The following SNX7 variants were observed in gnomAD, a reference collection of about 807,000 sequenced individuals.
SNX7 encodes sorting nexin 7, also known as sorting nexin-7.
A neutral mutation model predicts 48.4 loss-of-function variants in SNX7; 35 were observed. The ratio of observed to expected loss-of-function variants is 0.72; its 90% CI spans 0.55 to 0.96. The LOEUF is 0.96. Among genes scored for constraint, SNX7 ranks in the 40% least tolerant of loss-of-function variants. SNX7 has a pLI of 0.00. For missense variants in SNX7, 553 were observed against 548.9 expected (o/e 1.01, Z -0.07); for synonymous variants, 190 against 190.2 (o/e 1.00, Z 0.01).
At chr1:98,691,954 C>CTCTT in intron 4 of SNX7, among the ~76,000 whole-genome samples, 1 of 151,612 alleles carries the variant, frequency 6.6e-6, no homozygotes, top group South Asian at 2.1e-4. Flanking sequence ...CTCTCTCTCT[C>CTCTT]TCTCTCTCTC....
intron 7 of SNX7, among the ~76,000 whole-genome samples, chr1:98,711,260 C>G (rs541286137): frequency 6.6e-6 from 1 of 152,048 alleles, no homozygotes; most frequent in East Asian, 1.9e-4. Context: ...TCAAGTGATC[C>G]GCCTGCCTTG....
At chr1:98,733,447 G>C (rs557025509) in intron 7 of SNX7, among the ~76,000 whole-genome samples, 63 of 152,136 alleles carry the variant, frequency 4.1e-4, no homozygotes, top group Middle Eastern at 3.4e-3. Context: ...GTGAAAAGAC[G>C]AACAACCTGC....
intron 5 of SNX7, among the ~76,000 whole-genome samples, chr1:98,696,408 C>T (rs1651461914): frequency 6.6e-6 from 1 of 151,820 alleles, no homozygotes; most frequent in Admixed American, 6.6e-5. Context: ...ACTGTACTGC[C>T]AGTCAGGATA....
At chr1:98,701,281 T>G (rs1651733867) in intron 6 of SNX7, among the ~76,000 whole-genome samples, 1 of 152,152 alleles carries the variant, frequency 6.6e-6, no homozygotes, top group African/African-American at 2.4e-5. Context: ...GATGAATATT[T>G]TATATTTTGA....
At chr1:98,754,957 G>C (rs900779261) in intron 8 of SNX7, among the ~76,000 whole-genome samples, 1 of 151,338 alleles carries the variant, frequency 6.6e-6, no homozygotes, top group Non-Finnish European at 1.5e-5. Flanking sequence ...AAATCTCTCT[G>C]TTCTACTTTA....
rs141756867 is a variant in SNX7, at chr1:98,755,904, G to A, written c.1279-4150G>A. Among the ~76,000 whole-genome samples the A allele has an allele frequency of 5.8e-4, 88 of 151,976 alleles. No homozygotes were observed. The Middle Eastern group carries it at 0.01, about 18-fold the overall frequency. Reference sequence around the variant, plus strand: ...TCTGCATCTTTTAATGGTGTGTTTAGCATGTAGACATTTGAGTAGGATTAT... The same window carrying A: ...TCTGCATCTTTTAATGGTGTGTTTAACATGTAGACATTTGAGTAGGATTAT... On this transcript the variant is annotated intron_variant, in intron 8 of 8. Transcript: ENST00000306121.
intron 1 of SNX7, among the ~76,000 whole-genome samples, chr1:98,678,251 T>C (rs1340773864): frequency 6.6e-6 from 1 of 152,092 alleles, no homozygotes; most frequent in Non-Finnish European, 1.5e-5. Context: ...TCCAGGGTCT[T>C]TTAATAAATC....
At chr1:98,698,598 A>T (rs1342089997) in intron 5 of SNX7, 108 bp from the exon 6 acceptor site, 3 of 929,794 alleles carry the variant, frequency 3.2e-6, no homozygotes, top group Non-Finnish European at 4.8e-6. Context: ...CTTGTGTAAG[A>T]ACATGTGCAC....
At chr1:98,668,529 A>G (rs1304995581) in intron 1 of SNX7, among the ~76,000 whole-genome samples, 1 of 152,182 alleles carries the variant, frequency 6.6e-6, no homozygotes, top group Non-Finnish European at 1.5e-5. Context: ...ATCCATTAAC[A>G]CTGTCTTCCT....
chr1:98,722,875 T>C (rs1652960797), intron 7 of SNX7, among the ~76,000 whole-genome samples: 1 of 152,294 alleles, frequency 6.6e-6, no homozygotes, highest in Non-Finnish European at 1.5e-5. Flanking sequence ...TTTACGTAGA[T>C]ACACATCTAT....
chr1:98,708,664 A>T (rs1028445294), intron 7 of SNX7, among the ~76,000 whole-genome samples: 3 of 152,264 alleles, frequency 2.0e-5, no homozygotes, highest in East Asian at 1.9e-4. Context: ...CTCCTCCCAG[A>T]AGAAAGTACC....
At chr1:98,751,488 C>G (rs1654576676) in intron 8 of SNX7, among the ~76,000 whole-genome samples, 1 of 152,048 alleles carries the variant, frequency 6.6e-6, no homozygotes, top group Admixed American at 6.6e-5. Context: ...TCTGGCTCAC[C>G]TTCCTGTGGT....
chr1:98,667,985 T>A (rs549920694), intron 1 of SNX7, among the ~76,000 whole-genome samples: 1 of 152,148 alleles, frequency 6.6e-6, no homozygotes, highest in Non-Finnish European at 1.5e-5. Flanking sequence ...CAGGACTACT[T>A]ATATTTCTCT....
rs115899556 is a variant in SNX7 at position 98,751,862 on chromosome 1, G to C, written c.1279-8192G>C. ...AAAATGATGACATCTTATTCAAATG[G>C]AAGTGGAACTCCTGTTGTTCTTGGT... On this transcript the variant is annotated intron_variant, in intron 8 of 8. Transcript: ENST00000306121. Among the ~76,000 whole-genome samples, 183 of 152,158 alleles carry C rather than the reference G, an allele frequency of 1.2e-3. 1 individual carries two copies. Among genetic ancestry groups the C allele is most frequent in the African/African-American group, 4.2e-3 (176 of 41,528 alleles).
intron 7 of SNX7, 139 bp from the exon 8 acceptor site, chr1:98,738,098 C>A: frequency 2.5e-6 from 2 of 814,286 alleles, no homozygotes; most frequent in Non-Finnish European, 3.7e-6. Context: ...AATTAGTACA[C>A]AGAGTAAATA....
chr1:98,681,076 C>T (rs912693960), intron 1 of SNX7, among the ~76,000 whole-genome samples: 1 of 152,140 alleles, frequency 6.6e-6, no homozygotes, highest in Non-Finnish European at 1.5e-5. Flanking sequence ...TACAATTCCA[C>T]GTGGCTGGGG....
At chr1:98,750,124 C>CATT (rs1188305507) in intron 8 of SNX7, among the ~76,000 whole-genome samples, 3 of 151,518 alleles carry the variant, frequency 2.0e-5, no homozygotes, top group Admixed American at 6.6e-5. Flanking sequence ...TAATAAGTAT[C>CATT]ATTATTATTA....
chr1:98,742,626 G>A (rs1654126957), intron 8 of SNX7, among the ~76,000 whole-genome samples: 1 of 151,738 alleles, frequency 6.6e-6, no homozygotes, highest in Admixed American at 6.6e-5. Flanking sequence ...TATTTTTCTG[G>A]TTATAAAATT....
At chr1:98,682,034 G>A (rs1047577780) in intron 1 of SNX7, among the ~76,000 whole-genome samples, 14 of 151,612 alleles carry the variant, frequency 9.2e-5, no homozygotes, top group Non-Finnish European at 2.1e-4. Context: ...TCTAACATAG[G>A]CATGCTTCCT....
Sources: allele counts gnomAD v4.1 joint callset (sites outside exome capture counted in the v4.1 genomes callset), GRCh38; gene constraint gnomAD v4.1.1; transcripts MANE v1.5; gene names NCBI Gene and HGNC (gene_info 2026-07-23, HGNC 2026-07-21).